The following PIAS2 variants were observed in gnomAD, a reference collection of about 807,000 sequenced individuals.
PIAS2 encodes E3 SUMO-protein ligase PIAS2.
PIAS2 carries 19 observed loss-of-function variants against 69.7 expected under a neutral mutation model. That is an observed-to-expected ratio of 0.27 (90% confidence interval 0.19 to 0.40). PIAS2 has a LOEUF of 0.40. Among genes scored for constraint, PIAS2 ranks in the 10% least tolerant of loss-of-function variants. The probability of loss-of-function intolerance (pLI) is 1.00; values close to 1 mark genes in which losing one functional copy is unlikely to be tolerated. For missense variants in PIAS2, 624 were observed against 757.0 expected (o/e 0.82, Z 2.06); for synonymous variants, 261 against 263.2 (o/e 0.99, Z 0.08).
chr18:46,878,977 G>A (rs779087157), intron 2 of PIAS2, among the ~76,000 whole-genome samples: 36 of 152,202 alleles, frequency 2.4e-4, no homozygotes, highest in Middle Eastern at 3.2e-3. Flanking sequence ...AGGTTTTTTA[G>A]GGAGTTTTGT....
At chr18:46,816,923 ATAT>A in intron 12 of PIAS2, 1 of 936,314 alleles carries the variant, frequency 1.1e-6, no homozygotes, top group Non-Finnish European at 1.3e-6. Flanking sequence ...TTTTGTCTTC[ATAT>A]TAATAATATT....
At chr18:46,823,276 C>T (rs749708531) in intron 11 of PIAS2, among the ~76,000 whole-genome samples, 4 of 151,618 alleles carry the variant, frequency 2.6e-5, no homozygotes, top group Non-Finnish European at 5.9e-5. Context: ...TTTTCTCTGC[C>T]ACTGAAAGAA....
intron 7 of PIAS2, among the ~76,000 whole-genome samples, chr18:46,844,423 T>C (rs531860554): frequency 6.6e-6 from 1 of 152,278 alleles, no homozygotes; most frequent in East Asian, 1.9e-4. Flanking sequence ...AGCAGTACCC[T>C]GAGCGTCAAA....
intron 2 of PIAS2, among the ~76,000 whole-genome samples, chr18:46,883,795 T>C (rs1432574656): frequency 1.3e-5 from 2 of 152,108 alleles, no homozygotes; most frequent in Admixed American, 6.6e-5. Flanking sequence ...TGAGCCAAGA[T>C]TGTACACTCT....
intron 5 of PIAS2, among the ~76,000 whole-genome samples, chr18:46,850,160 G>A (rs1414857990): frequency 3.9e-5 from 6 of 152,100 alleles, no homozygotes; most frequent in Non-Finnish European, 8.8e-5. Context: ...GTTCAGTAAT[G>A]TACTTACCCA....
intron 1 of PIAS2, among the ~76,000 whole-genome samples, chr18:46,905,411 T>C (rs1205281953): frequency 6.6e-6 from 1 of 151,966 alleles, no homozygotes; most frequent in African/African-American, 2.4e-5. Flanking sequence ...TGAAAATTAA[T>C]GACAGGCACC....
chr18:46,855,813 C>T (rs1008424647), intron 3 of PIAS2, among the ~76,000 whole-genome samples, 198 bp from the exon 4 acceptor site: 24 of 152,046 alleles, frequency 1.6e-4, no homozygotes, highest in African/African-American at 5.3e-4. Flanking sequence ...CTTCTAGCCA[C>T]GTCTTTATGG....
chr18:46,812,376 G>A lies in PIAS2; in HGVS notation c.*57C>T. 5 of 960,678 alleles carry A rather than the reference G, an allele frequency of 5.2e-6. No homozygotes were observed. In the South Asian group the frequency reaches 5.3e-5, roughly 10 times the overall value. 59.5% of individuals were successfully genotyped at this position (960,678 alleles called of 1,614,324 possible). ...AAAAAAAGAACGTTTCCACAGACTA[G>A]AGATCCAAGAAAAAGCAGTTCTGAT... On this transcript the variant is annotated 3_prime_UTR_variant, in exon 14 of 14. Coordinates refer to ENST00000585916, the MANE Select transcript of PIAS2 (RefSeq NM_004671.5).
rs912991891 is a variant in PIAS2 at position 46,808,466 on chromosome 18, G to C, written c.*3967C>G. ...GGTTCCTAACAAAGTAGGGGTGAGG[G>C]GGGTGTTACAAACCAGTCACTAGGC... On this transcript the variant is annotated 3_prime_UTR_variant, in exon 14 of 14. Coordinates refer to ENST00000585916, the MANE Select transcript of PIAS2 (RefSeq NM_004671.5). 4 of 152,166 alleles carry C rather than the reference G, an allele frequency of 2.6e-5. No individual in the cohort carries two copies. The highest frequency in any genetic ancestry group is 5.9e-5 in the Non-Finnish European group (4 of 68,036). 9.4% of individuals were successfully genotyped at this position (152,166 alleles called of 1,614,324 possible).
chr18:46,820,398 T>G (rs1206172093), intron 12 of PIAS2, among the ~76,000 whole-genome samples: 1 of 152,164 alleles, frequency 6.6e-6, no homozygotes, highest in Admixed American at 6.6e-5. Context: ...TTTCAGACAT[T>G]TACTGGGGGT....
intron 9 of PIAS2, among the ~76,000 whole-genome samples, chr18:46,834,753 G>A (rs190585698): frequency 1.3e-5 from 2 of 152,240 alleles, no homozygotes; most frequent in East Asian, 3.9e-4. Flanking sequence ...GTGCTGGGAT[G>A]ACAGGTGTGA....
chr18:46,815,182 G>A, intron 13 of PIAS2, 130 bp downstream of exon 13: 1 of 707,724 alleles, frequency 1.4e-6, no homozygotes, highest in African/African-American at 1.8e-5. Flanking sequence ...TATTTGCACA[G>A]TACTTCCTTT....
rs2041056560 is a variant in PIAS2 at position 46,812,343 on chromosome 18, A to T, written c.*90T>A. On this transcript the variant is annotated 3_prime_UTR_variant, in exon 14 of 14. Transcript: ENST00000585916. ...ACTTTCAATAAATACCAAATTATTA[A>T]AAAAAAAAAAAAAAGAACGTTTCCA... The T allele has an allele frequency of 4.4e-6, 2 of 455,000 alleles. No individual in the cohort carries two copies. The highest frequency in any genetic ancestry group is 3.9e-5 in the East Asian group (1 of 25,954). The allele number at this position is 455,000 out of a possible 1,614,324, so 28.2% of individuals were successfully genotyped here.
chr18:46,856,660 T>C (rs2047887559), intron 3 of PIAS2, among the ~76,000 whole-genome samples: 1 of 152,200 alleles, frequency 6.6e-6, no homozygotes, highest in Admixed American at 6.5e-5. Flanking sequence ...ACCTATAGAA[T>C]TAGAATCTGC....
intron 2 of PIAS2, among the ~76,000 whole-genome samples, chr18:46,884,169 T>C (rs183253739): frequency 6.6e-6 from 1 of 152,310 alleles, no homozygotes; most frequent in Non-Finnish European, 1.5e-5. Context: ...TGTTCCTTTT[T>C]CAGAAAGTAG....
At chr18:46,843,832 CAG>C (rs1325279018) in intron 8 of PIAS2, 2 of 341,440 alleles carry the variant, frequency 5.9e-6, no homozygotes, top group Non-Finnish European at 1.1e-5. Flanking sequence ...TTAATTACAA[CAG>C]ATTATTCTGA....
At chr18:46,901,062 C>A in intron 1 of PIAS2, 1 of 399,652 alleles carries the variant, frequency 2.5e-6, no homozygotes, top group Non-Finnish European at 4.8e-6. Context: ...AGAATATTTC[C>A]AAATTCATTT....
intron 1 of PIAS2, among the ~76,000 whole-genome samples, chr18:46,903,005 C>G (rs2056116916): frequency 6.6e-6 from 1 of 152,146 alleles, no homozygotes; most frequent in African/African-American, 2.4e-5. Context: ...CAACTGGACA[C>G]CCATAGACAG....
chr18:46,842,062 C>G (rs370735791), intron 8 of PIAS2, among the ~76,000 whole-genome samples: 1 of 151,806 alleles, frequency 6.6e-6, no homozygotes, highest in South Asian at 2.1e-4. Flanking sequence ...AAGATCTCTA[C>G]AAAAGACACC....
Sources: allele counts gnomAD v4.1 joint callset (sites outside exome capture counted in the v4.1 genomes callset), GRCh38; gene constraint gnomAD v4.1.1; transcripts MANE v1.5; gene names NCBI Gene and HGNC (gene_info 2026-07-23, HGNC 2026-07-21).